Variants in MTCL1 observed in about 807,000 individuals in gnomAD.
MTCL1 encodes the protein microtubule crosslinking factor 1.
In MTCL1, 79 loss-of-function variants were observed where a neutral mutation model predicts 141.4. That is an observed-to-expected ratio of 0.56 (90% CI 0.47 to 0.67). The LOEUF (loss-of-function observed/expected upper bound fraction) is 0.67, where lower values mean the gene tolerates loss of function less well. Among genes scored for constraint, MTCL1 ranks in the 30% least tolerant of loss-of-function variants. MTCL1 has a pLI of 0.00. For missense variants in MTCL1, 2,177 were observed against 2,113.9 expected, an observed-to-expected ratio of 1.03 and a Z score of -0.59; for synonymous variants, 914 against 875.8, an observed-to-expected ratio of 1.04 and a Z score of -0.77.
chr18:8,792,762 C>A (rs2075778828), intron 7 of MTCL1, among the ~76,000 whole-genome samples: 1 of 152,190 alleles, frequency 6.6e-6, no homozygotes, highest in Non-Finnish European at 1.5e-5. Context: ...GCCCACTCCC[C>A]TCCTGGGTAA....
chr18:8,809,057 A>G (rs1005682714), intron 11 of MTCL1, among the ~76,000 whole-genome samples: 3 of 152,206 alleles, frequency 2.0e-5, no homozygotes, highest in Non-Finnish European at 4.4e-5. Context: ...AGTATCATGA[A>G]GAAAGGAGCA....
At chr18:8,730,753 C>T (rs4239334) in intron 4 of MTCL1, among the ~76,000 whole-genome samples, 66,403 of 152,006 alleles carry the variant, frequency 0.44, 14,875 homozygotes, top group East Asian at 0.57. Flanking sequence ...CTACCTTGGA[C>T]GCAGCGATGC....
intron 7 of MTCL1, among the ~76,000 whole-genome samples, chr18:8,787,841 C>G (rs1199549350): frequency 6.6e-6 from 1 of 152,192 alleles, no homozygotes; most frequent in Non-Finnish European, 1.5e-5. Context: ...TCTGGAGCCA[C>G]TTTGAATCTC....
intron 12 of MTCL1, among the ~76,000 whole-genome samples, chr18:8,818,290 C>T (rs1262847786): frequency 1.7e-5 from 2 of 120,360 alleles, no homozygotes; most frequent in East Asian, 2.1e-4. Context: ...TGCCCACTAC[C>T]GCTTCTTGAG....
intron 12 of MTCL1, among the ~76,000 whole-genome samples, chr18:8,817,430 G>C (rs371602060): frequency 1.3e-5 from 2 of 152,092 alleles, no homozygotes; most frequent in South Asian, 2.1e-4. Context: ...ATGCTAACGT[G>C]TCAGCTTTGG....
intron 1 of MTCL1, among the ~76,000 whole-genome samples, chr18:8,709,428 A>G (rs1389352415): frequency 6.6e-6 from 1 of 152,134 alleles, no homozygotes; most frequent in African/African-American, 2.4e-5. Flanking sequence ...TCCTGGCTTC[A>G]AGTGATCCTC....
chr18:8,707,976 G>A (rs184255890), intron 1 of MTCL1, among the ~76,000 whole-genome samples: 50 of 152,332 alleles, frequency 3.3e-4, no homozygotes, highest in African/African-American at 9.6e-4. Context: ...AGAAAGAGAG[G>A]TGATAAAAGA....
chr18:8,825,627 G>T, exon 15 of MTCL1: 1 of 1,613,876 alleles, frequency 6.2e-7, no homozygotes, highest in Non-Finnish European at 8.5e-7. Flanking sequence ...GGTGGCCCCT[G>T]CCATCGAGAA....
chr18:8,813,272 A>C (rs750160625), intron 12 of MTCL1, 39 bp downstream of exon 11: 1 of 1,589,298 alleles, frequency 6.3e-7, no homozygotes, highest in Non-Finnish European at 8.6e-7. Flanking sequence ...ATAGGCACAG[A>C]GTGTAGACTG....
chr18:8,797,502 C>T (rs1295243825), intron 9 of MTCL1, among the ~76,000 whole-genome samples: 1 of 152,230 alleles, frequency 6.6e-6, no homozygotes, highest in Non-Finnish European at 1.5e-5. Flanking sequence ...CACTGGCGTT[C>T]TGTGTATTCT....
intron 10 of MTCL1, among the ~76,000 whole-genome samples, chr18:8,799,358 C>G (rs1026402120): frequency 3.9e-5 from 6 of 152,214 alleles, no homozygotes; most frequent in Non-Finnish European, 4.4e-5. Context: ...TCTGTACAAT[C>G]AGATTTTCAC....
intron 4 of MTCL1, among the ~76,000 whole-genome samples, chr18:8,756,901 C>T (rs1056138998): frequency 6.6e-6 from 1 of 152,178 alleles, no homozygotes; most frequent in African/African-American, 2.4e-5. Flanking sequence ...TAGTGGCTGT[C>T]GTTGTCTAAG....
At chr18:8,806,841 C>T in intron 10 of MTCL1, 52 bp from the exon 10 acceptor site, 7 of 1,588,170 alleles carry the variant, frequency 4.4e-6, no homozygotes, top group South Asian at 1.1e-5. Flanking sequence ...CTCTTCTGAC[C>T]TAAAAAATAC....
At chr18:8,808,308 T>C (rs1417730192) in intron 11 of MTCL1, among the ~76,000 whole-genome samples, 1 of 143,078 alleles carries the variant, frequency 7.0e-6, no homozygotes, top group Non-Finnish European at 1.5e-5. Flanking sequence ...AAAAAAAATA[T>C]GTTTATAGGG....
At position 8,810,389 on chromosome 18, in the gene MTCL1, C is replaced by T. The variant is rs148412820; in HGVS notation, c.2605-2590C>T. 7.2e-4 allele frequency among the ~76,000 whole-genome samples: 110 copies of T among 152,174 alleles called. 1 individual carries two copies. Among genetic ancestry groups the T allele is most frequent in the African/African-American group, 2.4e-3 (100 of 41,516 alleles). ...CCTCAGTAGGCAGGGGGATTGGGCT[C>T]TAAGCATTGAGGGGAGGGGTGACCC... On this transcript the variant is annotated intron_variant, in intron 11 of 16. Coordinates refer to ENST00000359865, the Ensembl canonical transcript of MTCL1. This position sits in a 1 kb window ranked among gnomAD's most constrained non-coding sequence, Gnocchi z 5.0.
chr18:8,776,552 T>C (rs1283346248), intron 4 of MTCL1, among the ~76,000 whole-genome samples: 1 of 152,158 alleles, frequency 6.6e-6, no homozygotes, highest in Non-Finnish European at 1.5e-5. Context: ...GGCCTTCATT[T>C]CACATGGGAA....
chr18:8,826,936 A>G (rs1173675918), intron 15 of MTCL1, among the ~76,000 whole-genome samples: 1 of 152,224 alleles, frequency 6.6e-6, no homozygotes, highest in African/African-American at 2.4e-5. Context: ...TTTGTACACC[A>G]CTTTACAAAA....
Position 8,819,082 on chromosome 18 carries a change from G to GCCT in MTCL1, c.2980_2982dup (p.Pro994dup), listed in dbSNP as rs748946761. 2.5e-6 allele frequency: 4 copies of GCCT among 1,614,248 alleles called. No individual in the cohort carries two copies. The East Asian group carries it at 8.9e-5, about 36-fold the overall frequency. On this transcript the variant is annotated inframe_insertion, in exon 13 of 17. Transcript: ENST00000359865. Reference sequence around the variant, plus strand: ...GCATGCCCCGTCCAGTGGCCATGTGGCCTTGTGCAGATGCTGACTCCATCC... The same window carrying GCCT: ...GCATGCCCCGTCCAGTGGCCATGTGGCCTCCTTGTGCAGATGCTGACTCCATCC...
chr18:8,730,788 T>G lies in MTCL1; in HGVS notation c.357+10292T>G, dbSNP rs576806946. On this transcript the variant is annotated intron_variant, in intron 4 of 16. Coordinates refer to ENST00000359865, the Ensembl canonical transcript of MTCL1. ...CTGTGTGAACATTACTTTGCAGACT[T>G]CCTGAGAGATTGAAGATCCATCTAT... Among the ~76,000 whole-genome samples, 7 of 152,326 alleles carry G rather than the reference T, an allele frequency of 4.6e-5. No individual in the cohort carries two copies. In the East Asian group the frequency reaches 1.3e-3, roughly 29 times the overall value.
Sources: allele counts gnomAD v4.1 joint callset (sites outside exome capture counted in the v4.1 genomes callset), GRCh38; gene constraint gnomAD v4.1.1; non-coding constraint Gnocchi (gnomAD v3.1); transcripts MANE v1.5; gene names NCBI Gene and HGNC (gene_info 2026-07-23, HGNC 2026-07-21).